Variants in ZMIZ1 observed in about 807,000 individuals in gnomAD.
ZMIZ1 encodes zinc finger MIZ-type containing 1.
A neutral mutation model predicts 113.9 loss-of-function variants in ZMIZ1; 17 were observed. That is an observed-to-expected ratio of 0.15 (90% CI 0.10 to 0.22). The LOEUF (loss-of-function observed/expected upper bound fraction) is 0.22. Among genes scored for constraint, ZMIZ1 ranks in the 10% least tolerant of loss-of-function variants. ZMIZ1 has a pLI of 1.00. For synonymous variants in ZMIZ1, 607 were observed against 603.1 expected (o/e 1.01, Z -0.09); for missense variants, 1,059 against 1,477.8 (o/e 0.72, Z 4.65).
At chr10:79,215,558 C>G (rs1848690613) in intron 6 of ZMIZ1, among the ~76,000 whole-genome samples, 1 of 152,164 alleles carries the variant, frequency 6.6e-6, no homozygotes. Context: ...CTCAGCCTCC[C>G]AAAGTGCTGG....
chr10:79,088,061 G>T (rs1259276050), intron 1 of ZMIZ1, among the ~76,000 whole-genome samples: 5 of 152,226 alleles, frequency 3.3e-5, no homozygotes, highest in African/African-American at 1.2e-4. Context: ...TCCCAGAGCT[G>T]GTCGGCTTTG....
chr10:79,241,110 C>T (rs1035445152), intron 7 of ZMIZ1, among the ~76,000 whole-genome samples: 3 of 152,164 alleles, frequency 2.0e-5, no homozygotes, highest in African/African-American at 7.2e-5. Context: ...TCTTTGGATT[C>T]TGGATAATGG....
chr10:79,147,796 A>G (rs1361356277), intron 3 of ZMIZ1, among the ~76,000 whole-genome samples: 1 of 152,180 alleles, frequency 6.6e-6, no homozygotes, highest in Non-Finnish European at 1.5e-5. Flanking sequence ...GTTTCTAGCC[A>G]GGGAGAGTGT....
chr10:79,144,028 AGCT>A (rs1162570837), intron 3 of ZMIZ1, among the ~76,000 whole-genome samples: 2 of 152,200 alleles, frequency 1.3e-5, no homozygotes, highest in African/African-American at 4.8e-5. Context: ...CAGCAGCAGC[AGCT>A]GCTCTGATGA....
At chr10:79,166,194 C>T (rs1589366776) in intron 4 of ZMIZ1, among the ~76,000 whole-genome samples, 1 of 152,288 alleles carries the variant, frequency 6.6e-6, no homozygotes, top group Non-Finnish European at 1.5e-5. Context: ...CCCTGCACCT[C>T]CTCACCTCTG....
intron 7 of ZMIZ1, among the ~76,000 whole-genome samples, chr10:79,217,048 C>G (rs1848761567): frequency 6.6e-6 from 1 of 152,238 alleles, no homozygotes; most frequent in African/African-American, 2.4e-5. Flanking sequence ...TGTGTGGTCT[C>G]TGAGCCTCAG....
chr10:79,196,303 G>A lies in ZMIZ1; in HGVS notation c.-49-5281G>A, dbSNP rs1361621930. On this transcript the variant is annotated intron_variant, in intron 4 of 24. Transcript: ENST00000334512. ...ATCTACCCACCCTTGGGTCTCACAG[G>A]TGTTGCAAGCCCAGACACTCACCCC... Among the ~76,000 whole-genome samples the A allele has an allele frequency of 2.0e-5, 3 of 152,176 alleles. No individual in the cohort carries two copies. In the East Asian group the frequency reaches 5.8e-4, roughly 29 times the overall value.
At chr10:79,174,454 G>A (rs1297746237) in intron 4 of ZMIZ1, among the ~76,000 whole-genome samples, 2 of 152,220 alleles carry the variant, frequency 1.3e-5, no homozygotes, top group Admixed American at 1.3e-4. Flanking sequence ...GATGGGCAGT[G>A]GGGAGCCGGT....
intron 7 of ZMIZ1, among the ~76,000 whole-genome samples, chr10:79,228,696 C>T (rs998807839): frequency 1.3e-5 from 2 of 152,234 alleles, no homozygotes; most frequent in Admixed American, 6.5e-5. Context: ...CTAGCCCCTC[C>T]TTGCCTCCAC....
intron 2 of ZMIZ1, among the ~76,000 whole-genome samples, chr10:79,130,519 C>T (rs1236411850): frequency 4.6e-5 from 7 of 152,192 alleles, no homozygotes; most frequent in East Asian, 1.9e-4. Flanking sequence ...TGCTGCCATG[C>T]GGTTGCCCAG....
intron 2 of ZMIZ1, among the ~76,000 whole-genome samples, chr10:79,127,544 C>A (rs1001778756): frequency 1.3e-5 from 2 of 151,016 alleles, no homozygotes; most frequent in African/African-American, 4.9e-5. Context: ...TCATGTCACC[C>A]TCATAATATC....
intron 1 of ZMIZ1, among the ~76,000 whole-genome samples, chr10:79,084,718 T>A (rs1362252702): frequency 6.6e-6 from 1 of 152,192 alleles, no homozygotes; most frequent in African/African-American, 2.4e-5. Context: ...GTTTCCCTAT[T>A]TTGTTGACCT....
At position 79,296,857 on chromosome 10, in the gene ZMIZ1, T is replaced by G; in HGVS notation, c.1413+204T>G. The G allele has an allele frequency of 2.4e-6, 1 of 423,838 alleles. No homozygotes were observed. The highest frequency in any genetic ancestry group is 4.2e-6 in the Non-Finnish European group (1 of 240,308). 26.3% of individuals were successfully genotyped at this position (423,838 alleles called of 1,614,324 possible). ...TGGCTTTTCTCAGTTCCTATTCTCA[T>G]TCGTCTCGGATGATGGTTTTTTTTT... On this transcript the variant is annotated intron_variant, in intron 13 of 24. Coordinates refer to ENST00000334512, the MANE Select transcript of ZMIZ1 (RefSeq NM_020338.4). The surrounding 1 kb of genome is among the most constrained non-coding windows in gnomAD (Gnocchi z 4.1).
intron 22 of ZMIZ1, among the ~76,000 whole-genome samples, chr10:79,306,785 G>C (rs1181620947): frequency 2.6e-5 from 4 of 152,164 alleles, no homozygotes; most frequent in Non-Finnish European, 5.9e-5. Context: ...TTCCTGGAAA[G>C]TACCCCCACT....
chr10:79,164,431 AG>A (rs1472159876), intron 4 of ZMIZ1, among the ~76,000 whole-genome samples: 2 of 114,602 alleles, frequency 1.7e-5, no homozygotes, highest in Non-Finnish European at 3.6e-5. Context: ...TGAGTGAGTG[AG>A]TGAGTGATTC....
chr10:79,271,579 C>T (rs1221396844), intron 7 of ZMIZ1, among the ~76,000 whole-genome samples: 3 of 152,126 alleles, frequency 2.0e-5, no homozygotes. Flanking sequence ...CTTGGCCCTC[C>T]GCCCACCCTG....
In ZMIZ1 at chr10:79,139,878, C is replaced by T. The variant is rs149981470; in HGVS notation, c.-131+101C>T. 253 of 398,550 alleles carry T rather than the reference C, an allele frequency of 6.3e-4. 3 individuals carry two copies. The East Asian group carries it at 7.8e-3, about 12-fold the overall frequency. 24.7% of individuals were successfully genotyped at this position (398,550 alleles called of 1,614,324 possible). On this transcript the variant is annotated intron_variant, in intron 3 of 24. Transcript: ENST00000334512. ...CAGAAGTGCTGTGGCTGGACCAGAG[C>T]TGAGGGTTTTCAGCTGCTTCTCACA...
Position 79,187,758 on chromosome 10 carries a change from T to C in ZMIZ1, c.-49-13826T>C, listed in dbSNP as rs535022920. ...CTTGTGTCCTGTGTCCCTCCCAGGC[T>C]GAGCACAGGCGGTGCAGAGCTGACC... On this transcript the variant is annotated intron_variant, in intron 4 of 24. Transcript: ENST00000334512. 3.1e-4 allele frequency among the ~76,000 whole-genome samples: 47 copies of C among 152,320 alleles called. No homozygotes were observed. In the East Asian group the frequency reaches 8.7e-3, roughly 28 times the overall value.
chr10:79,221,813 G>A (rs1848984455), intron 7 of ZMIZ1, among the ~76,000 whole-genome samples: 2 of 152,220 alleles, frequency 1.3e-5, no homozygotes, highest in Admixed American at 6.5e-5. Context: ...CCAGAGAGGG[G>A]AGGACCCACC....
Sources: gnomAD v4.1 joint callset for allele counts (sites outside exome capture counted in the v4.1 genomes callset) on GRCh38, gnomAD v4.1.1 for gene constraint, Gnocchi (gnomAD v3.1) non-coding constraint, MANE v1.5 for transcripts, NCBI Gene and HGNC (gene_info 2026-07-23, HGNC 2026-07-21) for gene names.